MGMT: variants seen among roughly 807,000 people sequenced by gnomAD.
MGMT encodes O-6-methylguanine-DNA methyltransferase, also known as methylated-DNA--protein-cysteine methyltransferase.
MGMT carries 14 observed loss-of-function variants against 15.9 expected under a neutral mutation model. The observed-to-expected ratio is 0.88, with a 90% CI of 0.58 to 1.37. MGMT has a LOEUF of 1.37. Ranked by LOEUF, MGMT falls within the 40% of genes most tolerant of loss-of-function variation. The pLI, the probability that MGMT is intolerant of heterozygous loss-of-function variation, is 0.00. For synonymous variants in MGMT, 130 were observed against 118.2 expected (o/e 1.10, Z -0.65); for missense variants, 282 against 268.1 (o/e 1.05, Z -0.36).
In MGMT at chr10:129,766,964, T is replaced by C. The variant is rs2308324; in HGVS notation, c.591T>C (p.Ala197=). The C allele has an allele frequency of 6.2e-7, 1 of 1,607,764 alleles. No homozygotes were observed. The highest frequency in any genetic ancestry group is 2.2e-5 in the East Asian group (1 of 44,758). Residue 197 remains alanine (A), a synonymous_variant, in exon 5 of 5, where the codon GCT becomes GCC. Coordinates refer to ENST00000651593, the MANE Select transcript of MGMT (RefSeq NM_002412.5). ...LAGAWLKGAG[A]TSGSPPAGRN ...GGGCCTGGCTCAAGGGAGCGGGAGC[T>C]ACCTCGGGCTCCCCGCCTGCTGGCC...
At chr10:129,761,190 G>A (rs1848868879) in intron 4 of MGMT, among the ~76,000 whole-genome samples, 1 of 152,126 alleles carries the variant, frequency 6.6e-6, no homozygotes, top group African/African-American at 2.4e-5. Context: ...GGGTTTTGGG[G>A]GTGCTCTTCC....
chr10:129,681,555 A>G (rs1478539825), intron 2 of MGMT, among the ~76,000 whole-genome samples: 2 of 152,194 alleles, frequency 1.3e-5, no homozygotes, highest in Non-Finnish European at 2.9e-5. Flanking sequence ...GTAAAAAGAG[A>G]ACAGAGACAA....
chr10:129,745,760 T>G (rs1848688044), intron 3 of MGMT, among the ~76,000 whole-genome samples: 1 of 152,188 alleles, frequency 6.6e-6, no homozygotes. Flanking sequence ...ATATCCTCTT[T>G]GGGGAAGTGT....
chr10:129,680,817 G>A (rs545849776), intron 2 of MGMT, among the ~76,000 whole-genome samples: 122 of 152,276 alleles, frequency 8.0e-4, no homozygotes, highest in African/African-American at 2.6e-3. Context: ...CAGCGCCATC[G>A]CCACTCCGTG....
chr10:129,486,052 GATA>G (rs1246962129), intron 1 of MGMT, among the ~76,000 whole-genome samples: 2 of 152,096 alleles, frequency 1.3e-5, no homozygotes, highest in African/African-American at 4.8e-5. Flanking sequence ...GATATAGATA[GATA>G]GCCTTTTTAA....
chr10:129,721,301 TG>T (rs1464637126), intron 3 of MGMT, among the ~76,000 whole-genome samples: 1 of 152,274 alleles, frequency 6.6e-6, no homozygotes, highest in Non-Finnish European at 1.5e-5. Flanking sequence ...CTGGAATTCA[TG>T]GGCGGAGTTC....
intron 2 of MGMT, among the ~76,000 whole-genome samples, chr10:129,675,799 CGTG>C (rs1847778997): frequency 6.6e-6 from 1 of 152,164 alleles, no homozygotes; most frequent in African/African-American, 2.4e-5. Flanking sequence ...GGGAGCAGGC[CGTG>C]GTGACAGAGG....
chr10:129,652,061 C>A (rs1285538600), intron 2 of MGMT, among the ~76,000 whole-genome samples: 2 of 152,132 alleles, frequency 1.3e-5, no homozygotes, highest in African/African-American at 4.8e-5. Context: ...AAGCTGCTGT[C>A]GGAAGCCGGG....
chr10:129,492,239 CCATGGTCT>C (rs1845476270), intron 1 of MGMT, among the ~76,000 whole-genome samples: 1 of 152,108 alleles, frequency 6.6e-6, no homozygotes, highest in Admixed American at 6.6e-5. Context: ...GATTGGAAGC[CCATGGTCT>C]CTTTCTCCTC....
chr10:129,626,301 G>T (rs1489528034), intron 2 of MGMT, among the ~76,000 whole-genome samples: 1 of 152,150 alleles, frequency 6.6e-6, no homozygotes, highest in African/African-American at 2.4e-5. Context: ...CATCCCACCC[G>T]CATTTTGGGT....
chr10:129,660,213 C>G (rs1847580116), intron 2 of MGMT, among the ~76,000 whole-genome samples: 1 of 151,884 alleles, frequency 6.6e-6, no homozygotes, highest in Non-Finnish European at 1.5e-5. Context: ...TTTTCATTTC[C>G]CAGAACACGT....
At chr10:129,485,284 T>C (rs1442812395) in intron 1 of MGMT, among the ~76,000 whole-genome samples, 1 of 152,248 alleles carries the variant, frequency 6.6e-6, no homozygotes, top group African/African-American at 2.4e-5. Context: ...TCTAGGTGTT[T>C]TGTTCTTTTT....
rs185528305 is a variant in MGMT, at chr10:129,657,918, C to T, written c.126-49977C>T. On this transcript the variant is annotated intron_variant, in intron 2 of 4. Transcript: ENST00000651593. ...AGTGCAAAGCCTGAACCGGCCCTTC[C>T]CTAATTGGCACCTCTATCCTATTTT... Among the ~76,000 whole-genome samples, 19 of 152,150 alleles carry T rather than the reference C, an allele frequency of 1.2e-4. No individual in the cohort carries two copies. In the East Asian group the frequency reaches 3.5e-3, roughly 28 times the overall value.
intron 1 of MGMT, among the ~76,000 whole-genome samples, chr10:129,481,759 A>G (rs1001680148): frequency 6.6e-6 from 1 of 152,020 alleles, no homozygotes; most frequent in Non-Finnish European, 1.5e-5. Context: ...TATCCTTTTA[A>G]TGTCTGTGGG....
intron 3 of MGMT, among the ~76,000 whole-genome samples, chr10:129,728,533 C>T (rs371548841): frequency 2.0e-5 from 3 of 152,236 alleles, no homozygotes; most frequent in Non-Finnish European, 4.4e-5. Context: ...GGTCTCCTGA[C>T]GCTATCAGGG....
chr10:129,747,484 G>A (rs562924939), intron 3 of MGMT, among the ~76,000 whole-genome samples: 13 of 152,236 alleles, frequency 8.5e-5, no homozygotes, highest in East Asian at 3.9e-4. Flanking sequence ...GCTATTGTTC[G>A]TTTTTAATAG....
At chr10:129,546,955 G>A (rs1373688587) in intron 2 of MGMT, among the ~76,000 whole-genome samples, 1 of 152,198 alleles carries the variant, frequency 6.6e-6, no homozygotes, top group Non-Finnish European at 1.5e-5. Context: ...AGAGCCAGAG[G>A]TGAGTCTCCT....
intron 2 of MGMT, among the ~76,000 whole-genome samples, chr10:129,588,752 G>A (rs1218880784): frequency 2.0e-5 from 3 of 152,244 alleles, no homozygotes; most frequent in Non-Finnish European, 4.4e-5. Context: ...ATCACAGGGT[G>A]CCTGCAGCAT....
chr10:129,721,253 C>T (rs550105490), intron 3 of MGMT, among the ~76,000 whole-genome samples: 132 of 152,358 alleles, frequency 8.7e-4, no homozygotes, highest in Non-Finnish European at 1.3e-3. Flanking sequence ...AATGATGTTA[C>T]AGATATTCTA....
Sources: gnomAD v4.1 joint callset for allele counts (sites outside exome capture counted in the v4.1 genomes callset) on GRCh38, gnomAD v4.1.1 for gene constraint, MANE v1.5 for transcripts, NCBI Gene and HGNC (gene_info 2026-07-23, HGNC 2026-07-21) for gene names.